The following PABPC4L variants were observed in gnomAD, a reference collection of about 807,000 sequenced individuals.
The protein encoded by PABPC4L is poly(A) binding protein cytoplasmic 4 like.
For synonymous variants in PABPC4L, 169 were observed against 164.1 expected (o/e 1.03, Z -0.23); for missense variants, 452 against 451.4 (o/e 1.00, Z -0.01).
chr4:134,130,252 T>C, the PABPC4L span, among the ~76,000 whole-genome samples: 2 of 151,792 alleles, frequency 1.3e-5, no homozygotes, highest in East Asian at 1.9e-4. Flanking sequence ...CCTGATTCTT[T>C]GAAAAATTAA....
the PABPC4L span, among the ~76,000 whole-genome samples, chr4:134,076,368 C>A: frequency 9.9e-5 from 15 of 152,202 alleles, no homozygotes; most frequent in African/African-American, 3.6e-4. Flanking sequence ...TTGATTTATT[C>A]TTTCTGATCA....
the PABPC4L span, among the ~76,000 whole-genome samples, chr4:133,958,577 C>A: frequency 6.6e-6 from 1 of 152,044 alleles, no homozygotes; most frequent in Non-Finnish European, 1.5e-5. Flanking sequence ...AAGAAATACC[C>A]AAGACTGGGT....
the PABPC4L span, among the ~76,000 whole-genome samples, chr4:134,145,309 T>G: frequency 5.9e-5 from 9 of 151,754 alleles, no homozygotes; most frequent in Admixed American, 5.3e-4. Context: ...ATTACAGACT[T>G]TACTCCTATT....
chr4:134,172,527 C>T, the PABPC4L span, among the ~76,000 whole-genome samples: 4 of 152,024 alleles, frequency 2.6e-5, no homozygotes, highest in Admixed American at 6.6e-5. Flanking sequence ...AGATAAAAGG[C>T]TTAAATGTAA....
the PABPC4L span, among the ~76,000 whole-genome samples, chr4:133,962,801 G>A: frequency 2.0e-5 from 3 of 152,146 alleles, no homozygotes; most frequent in African/African-American, 7.2e-5. Context: ...ACAAACAAAT[G>A]CTGAGAAAAT....
the PABPC4L span, among the ~76,000 whole-genome samples, chr4:134,020,286 T>C: frequency 6.6e-6 from 1 of 152,128 alleles, no homozygotes; most frequent in African/African-American, 2.4e-5. Flanking sequence ...CTAGGTACAA[T>C]GCTTGTTTAT....
chr4:134,126,380 A>G, the PABPC4L span, among the ~76,000 whole-genome samples: 1 of 152,252 alleles, frequency 6.6e-6, no homozygotes, highest in East Asian at 1.9e-4. Context: ...CTCACTTATC[A>G]GAGTCCTTTT....
chr4:134,151,691 G>C, the PABPC4L span, among the ~76,000 whole-genome samples: 2 of 151,724 alleles, frequency 1.3e-5, no homozygotes, highest in Non-Finnish European at 2.9e-5. Context: ...AAAGAGAATA[G>C]AATTAACTAT....
the PABPC4L span, among the ~76,000 whole-genome samples, chr4:134,088,456 G>C: frequency 6.6e-6 from 1 of 151,988 alleles, no homozygotes; most frequent in African/African-American, 2.4e-5. Context: ...TTATCCATTT[G>C]TTCTCTTAAT....
At chr4:134,048,976 A>G in the PABPC4L span, among the ~76,000 whole-genome samples, 2 of 152,106 alleles carry the variant, frequency 1.3e-5, no homozygotes, top group Non-Finnish European at 2.9e-5. Flanking sequence ...AGATTCAAGT[A>G]TAAAATACAA....
the PABPC4L span, among the ~76,000 whole-genome samples, chr4:134,072,203 C>T: frequency 6.6e-6 from 1 of 152,106 alleles, no homozygotes; most frequent in African/African-American, 2.4e-5. Flanking sequence ...TGCATTGTCC[C>T]ATAATACCAC....
At chr4:134,043,326 C>T in the PABPC4L span, among the ~76,000 whole-genome samples, 1 of 152,068 alleles carries the variant, frequency 6.6e-6, no homozygotes, top group African/African-American at 2.4e-5. Context: ...TTTTATCTGT[C>T]ACTGCTACGT....
the PABPC4L span, among the ~76,000 whole-genome samples, chr4:134,106,453 G>A: frequency 5.3e-5 from 8 of 151,342 alleles, no homozygotes; most frequent in African/African-American, 1.9e-4. Flanking sequence ...GAAAGAGAAA[G>A]AAAGAAAAAT....
At chr4:134,134,840 G>A in the PABPC4L span, among the ~76,000 whole-genome samples, 1 of 151,774 alleles carries the variant, frequency 6.6e-6, no homozygotes, top group Non-Finnish European at 1.5e-5. Context: ...ATTTCCTGCT[G>A]GAAACTGGAT....
the PABPC4L span, among the ~76,000 whole-genome samples, chr4:134,083,989 G>A: frequency 2.2e-4 from 33 of 151,978 alleles, no homozygotes; most frequent in African/African-American, 7.0e-4. Flanking sequence ...TTATTTAAAT[G>A]GCTTTTATTT....
downstream of PABPC4L, among the ~76,000 whole-genome samples, chr4:134,195,074 T>C (rs527606063): frequency 6.6e-6 from 1 of 151,860 alleles, no homozygotes; most frequent in African/African-American, 2.4e-5. Flanking sequence ...GTATACAAAC[T>C]ATATATAAAA....
the PABPC4L span, among the ~76,000 whole-genome samples, chr4:134,079,973 A>T: frequency 1.3e-5 from 2 of 151,938 alleles, no homozygotes; most frequent in Admixed American, 6.6e-5. Context: ...CCTGGTATTA[A>T]TTTTTTTCCA....
chr4:134,063,934 A>T, the PABPC4L span, among the ~76,000 whole-genome samples: 1 of 152,032 alleles, frequency 6.6e-6, no homozygotes, highest in African/African-American at 2.4e-5. Flanking sequence ...TGCTGAGAAA[A>T]TTAATCAGAT....
chr4:134,123,335 A>G, the PABPC4L span, among the ~76,000 whole-genome samples: 84 of 152,062 alleles, frequency 5.5e-4, no homozygotes, highest in African/African-American at 1.9e-3. Context: ...AAAATTACCA[A>G]TAAGAAGCAC....
Sources: allele counts gnomAD v4.1 joint callset (sites outside exome capture counted in the v4.1 genomes callset), GRCh38; gene constraint gnomAD v4.1.1; transcripts MANE v1.5; gene names NCBI Gene and HGNC (gene_info 2026-07-23, HGNC 2026-07-21).